The following EPHA3 variants were observed in gnomAD, a reference collection of about 807,000 sequenced individuals.
The protein encoded by EPHA3 is ephrin type-A receptor 3.
EPHA3 carries 42 observed loss-of-function variants against 107.1 expected under a neutral mutation model. The ratio of observed to expected loss-of-function variants is 0.39; its 90% CI spans 0.31 to 0.51. EPHA3 has a LOEUF of 0.51. Ranked by LOEUF, EPHA3 falls within the 20% of genes least tolerant of loss-of-function variation. The probability of loss-of-function intolerance (pLI) is 0.78; values close to 1 mark genes in which losing one functional copy is unlikely to be tolerated. For missense variants in EPHA3, 1,183 were observed against 1,211.2 expected (o/e 0.98, Z 0.35); for synonymous variants, 461 against 424.8 (o/e 1.09, Z -1.05).
chr3:89,332,470 CAGA>C (rs1707308916), intron 3 of EPHA3, among the ~76,000 whole-genome samples: 1 of 152,176 alleles, frequency 6.6e-6, no homozygotes, highest in South Asian at 2.1e-4. Context: ...GTGGAAGGAA[CAGA>C]AGAAGGAAAC....
intron 2 of EPHA3, among the ~76,000 whole-genome samples, chr3:89,173,666 G>C (rs963873207): frequency 6.6e-6 from 1 of 151,916 alleles, no homozygotes; most frequent in African/African-American, 2.4e-5. Flanking sequence ...ACCTGATGAT[G>C]AGCATTGTCT....
chr3:89,289,179 C>T lies in EPHA3; in HGVS notation c.815-51737C>T, dbSNP rs1576291525. On this transcript the variant is annotated intron_variant, in intron 3 of 16. Coordinates refer to ENST00000336596, the MANE Select transcript of EPHA3 (RefSeq NM_005233.6). ...AGAGCTAGAAAGCAATCTCTATCTACCATTGGTGATAACTGAAACGTACAG... is the reference window on the plus strand; with the variant it reads ...AGAGCTAGAAAGCAATCTCTATCTATCATTGGTGATAACTGAAACGTACAG... Among the ~76,000 whole-genome samples the T allele has an allele frequency of 5.3e-5, 8 of 152,204 alleles. 3 individuals carry two copies. Among genetic ancestry groups the T allele is most frequent in the Admixed American group, 5.2e-4 (8 of 15,260 alleles).
chr3:89,445,742 C>T (rs1709866192), intron 13 of EPHA3, among the ~76,000 whole-genome samples: 2 of 152,176 alleles, frequency 1.3e-5, no homozygotes, highest in African/African-American at 4.8e-5. Flanking sequence ...CTGAATGACA[C>T]AAGTGAAAAG....
At chr3:89,349,887 G>T (rs1461974992) in intron 5 of EPHA3, among the ~76,000 whole-genome samples, 4 of 146,188 alleles carry the variant, frequency 2.7e-5, no homozygotes, top group Admixed American at 6.8e-5. Flanking sequence ...GCTTAGTTTG[G>T]CTGGATATGA....
At chr3:89,220,973 C>T (rs1307282143) in intron 3 of EPHA3, among the ~76,000 whole-genome samples, 1 of 152,078 alleles carries the variant, frequency 6.6e-6, no homozygotes, top group African/African-American at 2.4e-5. Flanking sequence ...CTCCATTTTG[C>T]GTGATAGAAA....
At chr3:89,472,677 G>A (rs1188301180) in intron 16 of EPHA3, 58 bp downstream of exon 16, 71 of 1,469,840 alleles carry the variant, frequency 4.8e-5, no homozygotes, top group Non-Finnish European at 5.2e-5. Flanking sequence ...TTCTTGGCTT[G>A]ACATGAAAGA....
At chr3:89,322,170 G>A (rs756136958) in intron 3 of EPHA3, among the ~76,000 whole-genome samples, 10 of 151,720 alleles carry the variant, frequency 6.6e-5, no homozygotes, top group Non-Finnish European at 1.0e-4. Flanking sequence ...TATACTTATC[G>A]CATTCAAGAG....
chr3:89,359,500 G>A (rs554550268), intron 5 of EPHA3, among the ~76,000 whole-genome samples: 2 of 150,266 alleles, frequency 1.3e-5, no homozygotes, highest in South Asian at 4.2e-4. Flanking sequence ...AGTACTTAAG[G>A]AGATTTTATA....
intron 1 of EPHA3, among the ~76,000 whole-genome samples, chr3:89,121,852 A>G (rs1204315865): frequency 1.3e-5 from 2 of 152,170 alleles, no homozygotes; most frequent in African/African-American, 4.8e-5. Flanking sequence ...AGCATGGTAG[A>G]TAAAAGTTAT....
At chr3:89,323,478 A>G (rs950017455) in intron 3 of EPHA3, among the ~76,000 whole-genome samples, 3 of 152,178 alleles carry the variant, frequency 2.0e-5, no homozygotes, top group Non-Finnish European at 4.4e-5. Context: ...TTGATTTACC[A>G]GCATTGAGGA....
intron 16 of EPHA3, among the ~76,000 whole-genome samples, chr3:89,474,090 A>G (rs566978182): frequency 6.6e-6 from 1 of 152,258 alleles, no homozygotes; most frequent in East Asian, 1.9e-4. Context: ...ACTGTGAAAA[A>G]TAACAGATTA....
At chr3:89,164,753 CA>C (rs1705027265) in intron 2 of EPHA3, among the ~76,000 whole-genome samples, 1 of 152,102 alleles carries the variant, frequency 6.6e-6, no homozygotes, top group Non-Finnish European at 1.5e-5. Context: ...AGAGAGCATA[CA>C]ATTAGTGTTA....
intron 2 of EPHA3, among the ~76,000 whole-genome samples, chr3:89,166,768 C>G (rs1184186559): frequency 6.6e-6 from 1 of 152,162 alleles, no homozygotes; most frequent in Non-Finnish European, 1.5e-5. Flanking sequence ...TAGGGAGAAC[C>G]TAAACAAAAT....
intron 5 of EPHA3, among the ~76,000 whole-genome samples, chr3:89,371,569 C>T (rs1339395864): frequency 6.6e-6 from 1 of 151,630 alleles, no homozygotes; most frequent in East Asian, 1.9e-4. Flanking sequence ...TCTCAAAGTA[C>T]TGACTGTCAG....
intron 1 of EPHA3, among the ~76,000 whole-genome samples, chr3:89,117,051 G>A (rs758294622): frequency 6.6e-6 from 1 of 152,036 alleles, no homozygotes; most frequent in African/African-American, 2.4e-5. Context: ...TGATTACATA[G>A]CAGGGCCTCA....
intron 3 of EPHA3, among the ~76,000 whole-genome samples, chr3:89,238,054 C>T (rs1047972265): frequency 2.6e-5 from 4 of 151,722 alleles, no homozygotes; most frequent in African/African-American, 9.7e-5. Context: ...AATTGGCTCT[C>T]AGTATATTAA....
intron 5 of EPHA3, among the ~76,000 whole-genome samples, chr3:89,370,536 T>G (rs983971850): frequency 2.8e-4 from 42 of 151,568 alleles, no homozygotes; most frequent in Admixed American, 1.2e-3. Flanking sequence ...AGGGATAGCA[T>G]TAGGAGATAT....
chr3:89,349,906 G>C (rs1248216696), intron 5 of EPHA3, among the ~76,000 whole-genome samples: 1 of 147,028 alleles, frequency 6.8e-6, no homozygotes. Flanking sequence ...GAAATTCTGG[G>C]TTGAAAATTC....
At chr3:89,305,161 C>G (rs1391464804) in intron 3 of EPHA3, among the ~76,000 whole-genome samples, 2 of 152,146 alleles carry the variant, frequency 1.3e-5, no homozygotes, top group Admixed American at 6.6e-5. Flanking sequence ...TCCATATTCT[C>G]ACAAGTTTTT....
Sources: allele counts gnomAD v4.1 joint callset (sites outside exome capture counted in the v4.1 genomes callset), GRCh38; gene constraint gnomAD v4.1.1; transcripts MANE v1.5; gene names NCBI Gene and HGNC (gene_info 2026-07-23, HGNC 2026-07-21).